The following AKR1C8 variants were observed in gnomAD, a reference collection of about 807,000 sequenced individuals.
AKR1C8 encodes aldo-keto reductase family 1 member C8, also known as aldo-keto reductase family 1 member C-like protein 1.
chr10:5,117,405 T>C, the AKR1C8 span, among the ~76,000 whole-genome samples: 128,341 of 152,050 alleles, frequency 0.84, 54,196 homozygotes, highest in Middle Eastern at 0.91. Context: ...ATCGAGGATT[T>C]CTGAAGCAAG....
At chr10:5,155,694 G>A in the AKR1C8 span, 39 of 473,014 alleles carry the variant, frequency 8.2e-5, no homozygotes, top group South Asian at 5.2e-4. Context: ...TTGTCATATC[G>A]GAGATTTCTG....
chr10:5,151,285 C>T, the AKR1C8 span, among the ~76,000 whole-genome samples: 1 of 152,132 alleles, frequency 6.6e-6, no homozygotes, highest in Non-Finnish European at 1.5e-5. Flanking sequence ...ACTCGTAAAC[C>T]ATAATTTCTA....
the AKR1C8 span, among the ~76,000 whole-genome samples, chr10:5,168,739 A>T: frequency 1.3e-5 from 2 of 152,154 alleles, no homozygotes; most frequent in South Asian, 4.1e-4. Flanking sequence ...AAAAGGGGAA[A>T]GAGAATGAAA....
chr10:5,148,371 C>T, the AKR1C8 span, among the ~76,000 whole-genome samples: 4 of 152,020 alleles, frequency 2.6e-5, no homozygotes, highest in African/African-American at 9.7e-5. Context: ...TTATTGTAAA[C>T]CAAAAAGTAA....
At chr10:5,141,211 C>T in the AKR1C8 span, among the ~76,000 whole-genome samples, 5 of 152,098 alleles carry the variant, frequency 3.3e-5, no homozygotes, top group African/African-American at 1.2e-4. Flanking sequence ...ACTTTTTGTG[C>T]ATTCATATGA....
the AKR1C8 span, among the ~76,000 whole-genome samples, chr10:5,182,337 C>A: frequency 6.6e-6 from 1 of 152,090 alleles, no homozygotes; most frequent in Non-Finnish European, 1.5e-5. Context: ...ACTTAACTTC[C>A]GAAACCAATA....
the AKR1C8 span, among the ~76,000 whole-genome samples, chr10:5,144,639 G>A: frequency 6.6e-6 from 1 of 151,994 alleles, no homozygotes; most frequent in African/African-American, 2.4e-5. Context: ...TGAAGCAATT[G>A]TGAATGGGAA....
chr10:5,140,358 T>G, the AKR1C8 span, among the ~76,000 whole-genome samples: 1 of 152,176 alleles, frequency 6.6e-6, no homozygotes, highest in Admixed American at 6.5e-5. Flanking sequence ...ATATGTTTAC[T>G]GCAGCACTAT....
the AKR1C8 span, among the ~76,000 whole-genome samples, chr10:5,142,472 C>T: frequency 6.6e-6 from 1 of 152,130 alleles, no homozygotes; most frequent in Non-Finnish European, 1.5e-5. Context: ...ATGCATTCCT[C>T]AATAAGCTTA....
chr10:5,162,896 G>A, the AKR1C8 span: 1 of 534,668 alleles, frequency 1.9e-6, no homozygotes, highest in Non-Finnish European at 3.8e-6. Flanking sequence ...GGTACCATCA[G>A]CGATCTTCTC....
the AKR1C8 span, among the ~76,000 whole-genome samples, chr10:5,149,432 A>G: frequency 6.6e-6 from 1 of 152,152 alleles, no homozygotes. Context: ...TGCTGAAGCT[A>G]TTTAAAAGAC....
the AKR1C8 span, among the ~76,000 whole-genome samples, chr10:5,116,277 A>G: frequency 1.3e-5 from 2 of 151,984 alleles, no homozygotes; most frequent in Non-Finnish European, 2.9e-5. Flanking sequence ...AAGTGTCCAG[A>G]TGACTGTCTT....
the AKR1C8 span, among the ~76,000 whole-genome samples, chr10:5,164,980 C>A: frequency 6.6e-6 from 1 of 152,096 alleles, no homozygotes; most frequent in Non-Finnish European, 1.5e-5. Flanking sequence ...TGGATATATT[C>A]TTATTGGGTA....
the AKR1C8 span, chr10:5,160,085 A>C: frequency 5.4e-6 from 2 of 369,322 alleles, no homozygotes; most frequent in South Asian, 4.2e-5. Context: ...TAAATGCTGG[A>C]AATCTGTTTT....
chr10:5,142,906 C>G, the AKR1C8 span, among the ~76,000 whole-genome samples: 1 of 151,966 alleles, frequency 6.6e-6, no homozygotes, highest in Non-Finnish European at 1.5e-5. Flanking sequence ...TACAAATGTT[C>G]AATTCCTTTT....
At chr10:5,151,964 G>T in the AKR1C8 span, among the ~76,000 whole-genome samples, 1 of 152,150 alleles carries the variant, frequency 6.6e-6, no homozygotes, top group East Asian at 1.9e-4. Flanking sequence ...AGTAGGAATA[G>T]AGTTGACCTC....
chr10:5,143,945 G>A, the AKR1C8 span, among the ~76,000 whole-genome samples: 1 of 151,772 alleles, frequency 6.6e-6, no homozygotes, highest in Non-Finnish European at 1.5e-5. Flanking sequence ...AGTGCTAATA[G>A]TTGACAATAT....
chr10:5,180,005 C>T, the AKR1C8 span, among the ~76,000 whole-genome samples: 13 of 152,156 alleles, frequency 8.5e-5, no homozygotes, highest in South Asian at 2.1e-4. Flanking sequence ...AGCTTTGTTC[C>T]GTTGCTGGTG....
chr10:5,145,683 A>C, the AKR1C8 span, among the ~76,000 whole-genome samples: 1 of 152,204 alleles, frequency 6.6e-6, no homozygotes, highest in African/African-American at 2.4e-5. Context: ...GCAATCATTA[A>C]AAAGTCAGGA....
Sources: allele counts gnomAD v4.1 joint callset (sites outside exome capture counted in the v4.1 genomes callset), GRCh38; gene constraint gnomAD v4.1.1; transcripts MANE v1.5; gene names NCBI Gene and HGNC (gene_info 2026-07-23, HGNC 2026-07-21).